The following CSMD1 variants were observed in gnomAD, a reference collection of about 807,000 sequenced individuals.
The protein encoded by CSMD1 is CUB and Sushi multiple domains 1.
Under a neutral mutation model 417.5 loss-of-function variants are expected in CSMD1, and 213 were observed. The observed-to-expected ratio is 0.51, with a 90% CI of 0.46 to 0.57. The LOEUF is 0.57. Among genes scored for constraint, CSMD1 ranks in the 20% least tolerant of loss-of-function variants. The probability of loss-of-function intolerance (pLI) is 0.00; values close to 1 mark genes in which losing one functional copy is unlikely to be tolerated. For missense variants in CSMD1, 6,923 were observed against 4,529.7 expected (o/e 1.53, Z -15.17); for synonymous variants, 2,862 against 1,736.8 (o/e 1.65, Z -16.11).
At chr8:3,256,332 A>AGAAGG (rs1800654323) in intron 26 of CSMD1, among the ~76,000 whole-genome samples, 1 of 139,146 alleles carries the variant, frequency 7.2e-6, no homozygotes, top group African/African-American at 2.6e-5. Flanking sequence ...AAAAGAGAAG[A>AGAAGG]AAGGAAGGAA....
intron 3 of CSMD1, among the ~76,000 whole-genome samples, chr8:4,217,479 A>C (rs895493063): frequency 3.9e-5 from 6 of 152,134 alleles, no homozygotes; most frequent in Non-Finnish European, 7.4e-5. Flanking sequence ...AAACACAGGT[A>C]AGGGTCACAT....
intron 3 of CSMD1, among the ~76,000 whole-genome samples, chr8:4,085,241 C>G (rs1360148736): frequency 6.6e-6 from 1 of 152,036 alleles, no homozygotes; most frequent in African/African-American, 2.4e-5. Context: ...ATTTAGGGAC[C>G]CTGACAGAGC....
At chr8:3,070,505 A>G (rs1443359234) in intron 49 of CSMD1, among the ~76,000 whole-genome samples, 1 of 152,184 alleles carries the variant, frequency 6.6e-6, no homozygotes, top group Non-Finnish European at 1.5e-5. Flanking sequence ...CCAACTCATT[A>G]TTCTGAAGTT....
intron 7 of CSMD1, among the ~76,000 whole-genome samples, chr8:3,679,558 A>C (rs774276010): frequency 7.2e-5 from 11 of 152,280 alleles, no homozygotes; most frequent in Middle Eastern, 3.4e-3. Flanking sequence ...ACCTACAGAG[A>C]GACTTAGACT....
intron 30 of CSMD1, among the ~76,000 whole-genome samples, chr8:3,206,115 T>C (rs752357432): frequency 1.3e-5 from 2 of 152,128 alleles, no homozygotes; most frequent in Non-Finnish European, 2.9e-5. Context: ...AAAAGCAACA[T>C]GCATAATTAC....
At chr8:2,953,412 A>C (rs1377668788) in intron 65 of CSMD1, among the ~76,000 whole-genome samples, 2 of 151,708 alleles carry the variant, frequency 1.3e-5, no homozygotes, top group Non-Finnish European at 2.9e-5. Flanking sequence ...TAGCAATACA[A>C]ATACTCTTTC....
chr8:3,860,579 C>T (rs1318967343), intron 5 of CSMD1, among the ~76,000 whole-genome samples: 1 of 152,156 alleles, frequency 6.6e-6, no homozygotes, highest in African/African-American at 2.4e-5. Context: ...ATATGTATTG[C>T]TAACCATATT....
At chr8:3,946,733 G>C (rs527396688) in intron 5 of CSMD1, among the ~76,000 whole-genome samples, 3 of 152,126 alleles carry the variant, frequency 2.0e-5, no homozygotes, top group African/African-American at 4.8e-5. Context: ...TAGGTCTTTA[G>C]TAATTTCTCT....
intron 3 of CSMD1, among the ~76,000 whole-genome samples, chr8:4,298,044 A>G (rs980196780): frequency 1.3e-5 from 2 of 152,186 alleles, no homozygotes; most frequent in South Asian, 2.1e-4. Context: ...ATTGAACTCA[A>G]GCATCACTAC....
At chr8:3,189,040 T>C in intron 34 of CSMD1, 29 bp from the exon 35 acceptor site, 1 of 1,599,858 alleles carries the variant, frequency 6.3e-7, no homozygotes, top group African/African-American at 1.3e-5. Flanking sequence ...TGTCATGAAA[T>C]AAAGTGCTGT....
intron 5 of CSMD1, among the ~76,000 whole-genome samples, chr8:3,902,250 T>A (rs1807804023): frequency 6.6e-6 from 1 of 152,174 alleles, no homozygotes; most frequent in African/African-American, 2.4e-5. Flanking sequence ...CCAACCCACA[T>A]TCTAGGGTCC....
intron 3 of CSMD1, among the ~76,000 whole-genome samples, chr8:4,307,466 C>T (rs930964199): frequency 2.0e-5 from 3 of 152,122 alleles, no homozygotes; most frequent in East Asian, 1.9e-4. Flanking sequence ...CATGTTACAT[C>T]CCCCAAGGAT....
intron 5 of CSMD1, among the ~76,000 whole-genome samples, chr8:3,946,056 C>T (rs1274850199): frequency 6.6e-6 from 1 of 152,116 alleles, no homozygotes; most frequent in African/African-American, 2.4e-5. Flanking sequence ...ACCTTTCTTT[C>T]AATACTAACG....
chr8:3,511,026 T>C (rs1000898361), intron 10 of CSMD1, among the ~76,000 whole-genome samples: 7 of 151,846 alleles, frequency 4.6e-5, no homozygotes, highest in African/African-American at 9.7e-5. Flanking sequence ...GTGGCACTTA[T>C]ACACCATGGA....
intron 8 of CSMD1, among the ~76,000 whole-genome samples, chr8:3,607,975 G>C (rs981045215): frequency 5.9e-5 from 9 of 152,112 alleles, no homozygotes; most frequent in African/African-American, 2.2e-4. Context: ...TTCAAGACCA[G>C]CCTGGCAAAC....
chr8:4,171,993 G>A lies in CSMD1; in HGVS notation c.416-139894C>T, dbSNP rs145301456. ...TCAGCATCCTTCATTTGAATATCAC[G>A]GTTTAATACCACCAAAGCAGCACAT... is the stretch of plus-strand genomic sequence containing the variant. On this transcript the variant is annotated intron_variant, in intron 3 of 69. Coordinates refer to ENST00000635120, the MANE Select transcript of CSMD1 (RefSeq NM_033225.6). Among the ~76,000 whole-genome samples, 655 of 151,956 alleles carry A rather than the reference G, an allele frequency of 4.3e-3. 3 individuals carry two copies. Among genetic ancestry groups the A allele is most frequent in the South Asian group, 6.0e-3 (29 of 4,794 alleles).
chr8:2,984,076 G>A (rs1805650188), intron 54 of CSMD1, among the ~76,000 whole-genome samples: 1 of 152,158 alleles, frequency 6.6e-6, no homozygotes, highest in African/African-American at 2.4e-5. Context: ...CTTAGTGCAA[G>A]TTCTGTTTTT....
chr8:3,934,861 T>G (rs1810377995), intron 5 of CSMD1, among the ~76,000 whole-genome samples: 1 of 151,982 alleles, frequency 6.6e-6, no homozygotes. Context: ...AATAAATTAA[T>G]TAAATAAAAT....
intron 5 of CSMD1, among the ~76,000 whole-genome samples, chr8:3,886,324 C>T (rs1356009269): frequency 2.0e-5 from 3 of 152,202 alleles, no homozygotes; most frequent in Admixed American, 2.0e-4. Context: ...GCTGGGATTA[C>T]AGGCGTGGGC....
Sources: gnomAD v4.1 joint callset for allele counts (sites outside exome capture counted in the v4.1 genomes callset) on GRCh38, gnomAD v4.1.1 for gene constraint, MANE v1.5 for transcripts, NCBI Gene and HGNC (gene_info 2026-07-23, HGNC 2026-07-21) for gene names.